Variants in CHERP observed in about 807,000 individuals in gnomAD.
CHERP encodes calcium homeostasis endoplasmic reticulum protein, also known as ERPROT 213-21.
Under a neutral mutation model 113.8 loss-of-function variants are expected in CHERP, and 8 were observed. That is an observed-to-expected ratio of 0.07 (90% CI 0.04 to 0.13). The LOEUF (loss-of-function observed/expected upper bound fraction) is 0.13, where lower values mean the gene tolerates loss of function less well. Ranked by LOEUF, CHERP falls within the 10% of genes least tolerant of loss-of-function variation. The pLI is 1.00. For synonymous variants in CHERP, 559 were observed against 524.5 expected (o/e 1.07, Z -0.90); for missense variants, 884 against 1,298.2 (o/e 0.68, Z 4.90).
rs2085605439 is a variant in CHERP, at chr19:16,520,728, GT to G, written c.2201+97del. ...ACACCGCCCCATAGGCACAGGCTGT[GT>G]GAGGGTGGACGTGATGAGTGTATCT... On this transcript the variant is annotated intron_variant, in intron 13 of 16. Transcript: ENST00000546361. The surrounding 1 kb of genome is among the most constrained non-coding windows in gnomAD (Gnocchi z 4.0). 7.8e-7 allele frequency: 1 copy of G among 1,289,066 alleles called. No individual in the cohort carries two copies. The highest frequency in any genetic ancestry group is 1.1e-6 in the Non-Finnish European group (1 of 893,102). The allele number at this position is 1,289,066 out of a possible 1,614,324, so 79.9% of individuals were successfully genotyped here.
chr19:16,523,741 C>T lies in CHERP; in HGVS notation c.1742-451G>A, dbSNP rs185801745. Among the ~76,000 whole-genome samples, 5 of 152,116 alleles carry T rather than the reference C, an allele frequency of 3.3e-5. No homozygotes were observed. In the East Asian group the frequency reaches 9.7e-4, roughly 29 times the overall value. The stretch of plus-strand genomic sequence containing the variant: ...AGGACACAGACATGTAGAGAGAAGA[C>T]GGTCACCTATGAGCCAAGGAGACAG... On this transcript the variant is annotated intron_variant, in intron 10 of 16. Coordinates refer to ENST00000546361, the MANE Select transcript of CHERP (RefSeq NM_006387.6). This position sits in a 1 kb window ranked among gnomAD's most constrained non-coding sequence, Gnocchi z 4.0.
intron 9 of CHERP, among the ~76,000 whole-genome samples, chr19:16,527,850 G>A (rs2085666930): frequency 6.6e-6 from 1 of 152,222 alleles, no homozygotes; most frequent in South Asian, 2.1e-4. Flanking sequence ...CTATACTACA[G>A]AGAAGCCCAA....
At position 16,520,035 on chromosome 19, in the gene CHERP, G is replaced by A. The variant is rs2085594405; in HGVS notation, c.2462+114C>T. On this transcript the variant is annotated intron_variant, in intron 15 of 16. Coordinates refer to ENST00000546361, the MANE Select transcript of CHERP (RefSeq NM_006387.6). This position sits in a 1 kb window ranked among gnomAD's most constrained non-coding sequence, Gnocchi z 4.0. ...GGGTGAGGGGTGCCACTGTCCCCGG[G>A]CTAATGCTGGCGGCCTCCTAACACA... 4.5e-6 allele frequency: 5 copies of A among 1,109,652 alleles called. No homozygotes were observed. The Admixed American group carries it at 7.7e-5, about 17-fold the overall frequency. The allele number at this position is 1,109,652 out of a possible 1,614,324, so 68.7% of individuals were successfully genotyped here.
Position 16,519,409 on chromosome 19 carries a change from G to A in CHERP, c.2558-57C>T, listed in dbSNP as rs536193270. 36 of 1,538,182 alleles carry A rather than the reference G, an allele frequency of 2.3e-5. No individual in the cohort carries two copies. Among genetic ancestry groups the A allele is most frequent in the Admixed American group, 9.0e-5 (5 of 55,396 alleles). ...AAGGCGGAGGCAGATGGGGGTGCAC[G>A]TGGGGGGCTGAATGTCCAGACAGGC... On this transcript the variant is annotated intron_variant, in intron 16 of 16. Transcript: ENST00000546361. The surrounding 1 kb of genome is among the most constrained non-coding windows in gnomAD (Gnocchi z 6.0).
intron 11 of CHERP, among the ~76,000 whole-genome samples, chr19:16,522,276 T>G (rs1280397939): frequency 1.3e-5 from 2 of 152,034 alleles, no homozygotes; most frequent in Non-Finnish European, 2.9e-5. Flanking sequence ...CCTTTTTTTT[T>G]TTGAGACGGA....
chr19:16,524,876 G>A (rs2085646145), intron 10 of CHERP, among the ~76,000 whole-genome samples: 1 of 151,646 alleles, frequency 6.6e-6, no homozygotes. Context: ...ATAGGCGCCC[G>A]ACACCACGCC....
Position 16,532,497 on chromosome 19 carries a change from AC to A in CHERP, c.674+100del. On this transcript the variant is annotated intron_variant, in intron 5 of 16. Coordinates refer to ENST00000546361, the MANE Select transcript of CHERP (RefSeq NM_006387.6). This position sits in a 1 kb window ranked among gnomAD's most constrained non-coding sequence, Gnocchi z 4.4. ...CGGACAAGTGCCCCCTAGTCTCGGG[AC>A]AGGCCAAGCCAAGCTACCGACCGGA... 1 of 1,390,502 alleles carries A rather than the reference AC, an allele frequency of 7.2e-7. No individual in the cohort carries two copies. The highest frequency in any genetic ancestry group is 9.5e-7 in the Non-Finnish European group (1 of 1,051,208). The allele number at this position is 1,390,502 out of a possible 1,614,324, so 86.1% of individuals were successfully genotyped here.
intron 1 of CHERP, 126 bp downstream of exon 1, chr19:16,542,228 G>A (rs2085785379): frequency 2.7e-6 from 3 of 1,092,842 alleles, no homozygotes; most frequent in Admixed American, 3.9e-5. Context: ...CCACGGGAGA[G>A]GCCGCAGGCG....
rs765871236 is a variant in CHERP, at chr19:16,523,039, T to C, written c.1980+13A>G. On this transcript the variant is annotated intron_variant, in intron 11 of 16. Coordinates refer to ENST00000546361, the MANE Select transcript of CHERP (RefSeq NM_006387.6). This position sits in a 1 kb window ranked among gnomAD's most constrained non-coding sequence, Gnocchi z 4.0. The stretch of plus-strand genomic sequence containing the variant: ...TAAGCGTGCTCAGCTTGGAGCCCAC[T>C]GTGGGGCATTACCTTCACGAGGGGG... 1.2e-5 allele frequency: 18 copies of C among 1,503,524 alleles called. No individual in the cohort carries two copies. Among genetic ancestry groups the C allele is most frequent in the Non-Finnish European group, 1.6e-5 (18 of 1,130,082 alleles). The allele number at this position is 1,503,524 out of a possible 1,614,324, so 93.1% of individuals were successfully genotyped here.
In CHERP at chr19:16,519,615, C is replaced by G. The variant is rs779009766; in HGVS notation, c.2557+6G>C. On this transcript the variant is annotated splice_donor_region_variant and intron_variant, in intron 16 of 16. Transcript: ENST00000546361. The surrounding 1 kb of genome is among the most constrained non-coding windows in gnomAD (Gnocchi z 6.0). ...ATCCCGCGCCCTCCCCATTCCCTCG[C>G]CTTACCCATCTTCACCAGCATCTGA... 11 of 1,613,484 alleles carry G rather than the reference C, an allele frequency of 6.8e-6. No individual in the cohort carries two copies. The highest frequency in any genetic ancestry group is 4.2e-6 in the Non-Finnish European group (5 of 1,179,480).
intron 2 of CHERP, among the ~76,000 whole-genome samples, chr19:16,541,052 G>A (rs574433164): frequency 1.3e-5 from 2 of 152,116 alleles, no homozygotes; most frequent in East Asian, 1.9e-4. Context: ...AAGGGACAAT[G>A]ACCTTGTACC....
At chr19:16,524,747 TA>T (rs1555780700) in intron 10 of CHERP, among the ~76,000 whole-genome samples, 1 of 151,308 alleles carries the variant, frequency 6.6e-6, no homozygotes, top group Non-Finnish European at 1.5e-5. Context: ...AAAATTTTTT[TA>T]AAAAAGAAAA....
In CHERP at chr19:16,525,163, C is replaced by A. The variant is rs2122254861; in HGVS notation, c.1741+79G>T. ...TGCACTCAGGAGCATGGCAGGGCCA[C>A]AAGCAGCGCCACCAGCCTGCTCGGC... On this transcript the variant is annotated intron_variant, in intron 10 of 16. Coordinates refer to ENST00000546361, the MANE Select transcript of CHERP (RefSeq NM_006387.6). This position sits in a 1 kb window ranked among gnomAD's most constrained non-coding sequence, Gnocchi z 6.5. 1.5e-6 allele frequency: 2 copies of A among 1,296,024 alleles called. No individual in the cohort carries two copies. The highest frequency in any genetic ancestry group is 2.9e-5 in the East Asian group (1 of 34,176). 80.3% of individuals were successfully genotyped at this position (1,296,024 alleles called of 1,614,324 possible). A position where few individuals can be genotyped will look rare whatever the true frequency, so the allele number is the denominator to read the frequency against.
intron 8 of CHERP, among the ~76,000 whole-genome samples, chr19:16,528,552 CT>C (rs1342747781): frequency 2.0e-5 from 3 of 152,364 alleles, no homozygotes; most frequent in Admixed American, 6.5e-5. Flanking sequence ...GATTAGACAT[CT>C]TTACTGTATC....
Position 16,525,572 on chromosome 19 carries a change from C to A in CHERP, c.1411G>T (p.Gly471Cys). 3 of 1,540,008 alleles carry A rather than the reference C, an allele frequency of 1.9e-6. No homozygotes were observed. The highest frequency in any genetic ancestry group is 2.4e-5 in the East Asian group (1 of 40,898). The change falls in exon 10 of 17, where the codon GGC becomes TGC. Residue 471 changes from glycine to cysteine, a missense_variant. By Grantham distance (159) the Gly-to-Cys change is radical (BLOSUM62 -3). Coordinates refer to ENST00000546361, the MANE Select transcript of CHERP (RefSeq NM_006387.6). The surrounding 1 kb of genome is among the most constrained non-coding windows in gnomAD (Gnocchi z 6.5). ...GMWGEQRGDPGWNGQRDAPWN... is the reference protein window; with the variant it reads ...GMWGEQRGDPCWNGQRDAPWN... ...GGCGCGTCGCGCTGGCCGTTCCAGC[C>A]GGGGTCACCGCGCTGCTCGCCCCAC...
chr19:16,524,921 G>C (rs1263240095), intron 10 of CHERP, among the ~76,000 whole-genome samples: 1 of 151,934 alleles, frequency 6.6e-6, no homozygotes, highest in Non-Finnish European at 1.5e-5. Context: ...AATACAACGG[G>C]AAAACTGATG....
chr19:16,535,742 C>G lies in CHERP; in HGVS notation c.200-106G>C, dbSNP rs2085737293. ...GGGCCTCCCCCTCCCCAGGGACTCA[C>G]CATCCACGAGGGCCTGTTCATAGCC... On this transcript the variant is annotated intron_variant, in intron 2 of 16. Coordinates refer to ENST00000546361, the MANE Select transcript of CHERP (RefSeq NM_006387.6). The surrounding 1 kb of genome is among the most constrained non-coding windows in gnomAD (Gnocchi z 4.3). 8.9e-7 allele frequency: 1 copy of G among 1,127,060 alleles called. No individual in the cohort carries two copies. The highest frequency in any genetic ancestry group is 1.2e-6 in the Non-Finnish European group (1 of 818,710). 69.8% of individuals were successfully genotyped at this position (1,127,060 alleles called of 1,614,324 possible). A position where few individuals can be genotyped will look rare whatever the true frequency, so the allele number is the denominator to read the frequency against.
chr19:16,523,564 T>G lies in CHERP; in HGVS notation c.1742-274A>C, dbSNP rs2085636434. On this transcript the variant is annotated intron_variant, in intron 10 of 16. Coordinates refer to ENST00000546361, the MANE Select transcript of CHERP (RefSeq NM_006387.6). This position sits in a 1 kb window ranked among gnomAD's most constrained non-coding sequence, Gnocchi z 4.0. Reference sequence around the variant, plus strand: ...AAACTGCACGGTGAGGGCTAAGTTGTGACCCTCCGAATCCATACGCTGAGG... The same window carrying G: ...AAACTGCACGGTGAGGGCTAAGTTGGGACCCTCCGAATCCATACGCTGAGG... Among the ~76,000 whole-genome samples the G allele has an allele frequency of 6.6e-6, 1 of 152,176 alleles. No homozygotes were observed. The highest frequency in any genetic ancestry group is 2.4e-5 in the African/African-American group (1 of 41,442).
chr19:16,524,481 G>C (rs2085642675), intron 10 of CHERP, among the ~76,000 whole-genome samples: 2 of 151,702 alleles, frequency 1.3e-5, no homozygotes, highest in South Asian at 2.1e-4. Flanking sequence ...ATCTGAATCT[G>C]GGAGGCGGAG....
Sources: allele counts gnomAD v4.1 joint callset (sites outside exome capture counted in the v4.1 genomes callset), GRCh38; gene constraint gnomAD v4.1.1; non-coding constraint Gnocchi (gnomAD v3.1); transcripts MANE v1.5; gene names NCBI Gene and HGNC (gene_info 2026-07-23, HGNC 2026-07-21).